IL1RAPL1: variants seen among roughly 807,000 people sequenced by gnomAD.
The protein encoded by IL1RAPL1 is interleukin 1 receptor accessory protein like 1.
IL1RAPL1 carries 3 observed loss-of-function variants against 48.4 expected under a neutral mutation model. The observed-to-expected ratio is 0.06, with a 90% confidence interval of 0.03 to 0.16. The LOEUF is 0.16. Ranked by LOEUF, IL1RAPL1 falls within the 10% of genes least tolerant of loss-of-function variation. IL1RAPL1 has a pLI of 1.00. For synonymous variants in IL1RAPL1, 185 were observed against 187.7 expected (o/e 0.99, Z 0.12); for missense variants, 349 against 530.6 (o/e 0.66, Z 3.36).
chrX:28,821,597 A>G (rs1311837430), intron 2 of IL1RAPL1, among the ~76,000 whole-genome samples: 3 of 111,633 alleles, frequency 2.7e-5, no homozygotes, highest in Non-Finnish European at 5.7e-5. Flanking sequence ...TTTTGCCTAG[A>G]CAAAAAGAAA....
At chrX:29,134,965 A>G (rs1226869966) in intron 2 of IL1RAPL1, among the ~76,000 whole-genome samples, 2 of 112,133 alleles carry the variant, frequency 1.8e-5, no homozygotes, top group East Asian at 5.6e-4. Flanking sequence ...CAAATATCAG[A>G]TATCATATTA....
chrX:28,610,461 G>A (rs764681601), intron 1 of IL1RAPL1, among the ~76,000 whole-genome samples: 5 of 112,287 alleles, frequency 4.5e-5, no homozygotes, highest in Admixed American at 3.8e-4. Flanking sequence ...AATGCATTCC[G>A]GTGCCAATAA....
chrX:28,900,580 TAAG>T (rs1281250914), intron 2 of IL1RAPL1, among the ~76,000 whole-genome samples: 1 of 112,263 alleles, frequency 8.9e-6, no homozygotes, highest in Non-Finnish European at 1.9e-5. Context: ...GAATAACTAA[TAAG>T]AAAAATGGAA....
chrX:29,613,603 A>C (rs899737825), intron 5 of IL1RAPL1, among the ~76,000 whole-genome samples: 2 of 110,632 alleles, frequency 1.8e-5, no homozygotes, highest in Non-Finnish European at 3.8e-5. Context: ...TTGACAACAA[A>C]AACAGTTTGC....
At chrX:28,879,347 A>T (rs1922450514) in intron 2 of IL1RAPL1, among the ~76,000 whole-genome samples, 1 of 111,560 alleles carries the variant, frequency 9.0e-6, no homozygotes, top group Non-Finnish European at 1.9e-5. Context: ...GTAAAGGAAG[A>T]GGAATGCAAA....
At chrX:29,618,200 A>G (rs1924349035) in intron 5 of IL1RAPL1, among the ~76,000 whole-genome samples, 2 of 112,352 alleles carry the variant, frequency 1.8e-5, no homozygotes, top group Admixed American at 1.9e-4. Context: ...TAGGATTTTA[A>G]TATTAGATAC....
At chrX:29,457,355 G>C (rs768957624) in intron 5 of IL1RAPL1, among the ~76,000 whole-genome samples, 1 of 110,549 alleles carries the variant, frequency 9.0e-6, no homozygotes, top group Non-Finnish European at 1.9e-5. Flanking sequence ...CCCACCCTAA[G>C]TAGTCTGTAG....
intron 2 of IL1RAPL1, among the ~76,000 whole-genome samples, chrX:28,971,971 A>C (rs1925087807): frequency 9.2e-6 from 1 of 108,676 alleles, no homozygotes. Flanking sequence ...TAATCAACAT[A>C]ATTAACTTTC....
chrX:29,883,035 CTT>C (rs1459168798), intron 6 of IL1RAPL1, among the ~76,000 whole-genome samples: 2 of 111,154 alleles, frequency 1.8e-5, no homozygotes, highest in Non-Finnish European at 3.8e-5. Context: ...ACAAAAGTGA[CTT>C]AATGAAATCT....
intron 1 of IL1RAPL1, among the ~76,000 whole-genome samples, chrX:28,596,948 A>C (rs1933962465): frequency 9.0e-6 from 1 of 110,939 alleles, no homozygotes; most frequent in Admixed American, 9.7e-5. Context: ...ACATGCACGT[A>C]GAGGGATTAG....
At chrX:28,772,348 T>G (rs192655716) in intron 1 of IL1RAPL1, among the ~76,000 whole-genome samples, 26 of 111,796 alleles carry the variant, frequency 2.3e-4, no homozygotes, top group Admixed American at 2.3e-3. Context: ...GCCCATAGTT[T>G]TCTCAAAATT....
intron 2 of IL1RAPL1, among the ~76,000 whole-genome samples, chrX:29,155,553 C>A (rs377023207): frequency 8.0e-5 from 9 of 111,853 alleles, no homozygotes; most frequent in African/African-American, 2.9e-4. Context: ...AACAATATAT[C>A]CACCAAAAAT....
In IL1RAPL1 at chrX:29,955,639, C is replaced by G. The variant is rs756672167; in HGVS notation, c.1910C>G (p.Thr637Ser). The G allele has an allele frequency of 1.4e-4, 173 of 1,208,758 alleles. No individual in the cohort carries two copies. The highest frequency in any genetic ancestry group is 1.9e-4 in the Non-Finnish European group (166 of 894,468). Residue 637 changes from threonine to serine, a missense_variant, in exon 11 of 11, where the codon ACC becomes AGC. Around this residue, in one of 3 missense-constraint regions of IL1RAPL1, gnomAD observed 65 missense variants for 79.6 expected, o/e 0.82. Transcript: ENST00000378993. ...GAGTACGACGTACCTCCTACCGGCA[C>G]CCTGCCTCTTACCTCCATAGGCAAT... is the stretch of plus-strand genomic sequence containing the variant. Reference protein sequence around the residue: ...SYEYDVPPTGTLPLTSIGNQH... With the variant: ...SYEYDVPPTGSLPLTSIGNQH...
At chrX:29,891,014 A>C (rs1188493860) in intron 6 of IL1RAPL1, among the ~76,000 whole-genome samples, 1 of 111,812 alleles carries the variant, frequency 8.9e-6, no homozygotes, top group Non-Finnish European at 1.9e-5. Flanking sequence ...TCTCAGCTAC[A>C]CTAATACACG....
At chrX:29,425,745 AT>A (rs752531653) in intron 5 of IL1RAPL1, among the ~76,000 whole-genome samples, 5 of 104,814 alleles carry the variant, frequency 4.8e-5, no homozygotes, top group East Asian at 3.0e-4. Flanking sequence ...ACAATCAGCT[AT>A]TTTTTTTTTG....
chrX:29,862,200 AGAT>A (rs1395157710), intron 6 of IL1RAPL1, among the ~76,000 whole-genome samples: 1 of 111,111 alleles, frequency 9.0e-6, no homozygotes, highest in Non-Finnish European at 1.9e-5. Context: ...GCATTTGAGA[AGAT>A]GATAATATGG....
At chrX:29,162,087 C>T (rs1323456835) in intron 2 of IL1RAPL1, among the ~76,000 whole-genome samples, 1 of 111,503 alleles carries the variant, frequency 9.0e-6, no homozygotes, top group Non-Finnish European at 1.9e-5. Flanking sequence ...AGCCATCATC[C>T]TTAGCAAACT....
chrX:29,857,534 T>TTAGA (rs1431175607), intron 6 of IL1RAPL1, among the ~76,000 whole-genome samples: 1 of 111,813 alleles, frequency 8.9e-6, no homozygotes, highest in Non-Finnish European at 1.9e-5. Flanking sequence ...AATCTGACAT[T>TTAGA]TAGATATGAA....
At chrX:28,640,520 AT>A (rs1333723083) in intron 1 of IL1RAPL1, among the ~76,000 whole-genome samples, 14 of 103,252 alleles carry the variant, frequency 1.4e-4, no homozygotes, top group East Asian at 3.1e-4. Context: ...TAATTTTTGT[AT>A]TTTTTTTTTA....
Sources: gnomAD v4.1 joint callset for allele counts (sites outside exome capture counted in the v4.1 genomes callset) on GRCh38, gnomAD v4.1.1 for gene constraint, gnomAD v4.1.1 regional missense constraint, MANE v1.5 for transcripts, NCBI Gene and HGNC (gene_info 2026-07-23, HGNC 2026-07-21) for gene names.